The following SHANK2 variants were observed in gnomAD, a reference collection of about 807,000 sequenced individuals.
SHANK2 encodes SH3 and multiple ankyrin repeat domains protein 2.
A neutral mutation model predicts 133.7 loss-of-function variants in SHANK2; 43 were observed. That is an observed-to-expected ratio of 0.32 (90% confidence interval 0.25 to 0.41). The LOEUF (loss-of-function observed/expected upper bound fraction) is 0.41. Ranked by LOEUF, SHANK2 falls within the 10% of genes least tolerant of loss-of-function variation. The probability of loss-of-function intolerance (pLI) is 1.00; values close to 1 mark genes in which losing one functional copy is unlikely to be tolerated. For synonymous variants in SHANK2, 1,017 were observed against 952.8 expected (o/e 1.07, Z -1.24); for missense variants, 1,994 against 2,235.8 (o/e 0.89, Z 2.18).
chr11:70,675,768 T>G (rs1555017070), intron 15 of SHANK2, among the ~76,000 whole-genome samples: 1 of 152,178 alleles, frequency 6.6e-6, no homozygotes, highest in African/African-American at 2.4e-5. Context: ...TTGGAAATGG[T>G]GGACCAAATG....
At chr11:70,748,017 C>G (rs1268134996) in intron 14 of SHANK2, among the ~76,000 whole-genome samples, 1 of 152,084 alleles carries the variant, frequency 6.6e-6, no homozygotes, top group Non-Finnish European at 1.5e-5. Context: ...CTATATGGAA[C>G]AGTGGAGCTG....
intron 15 of SHANK2, among the ~76,000 whole-genome samples, chr11:70,695,257 G>A (rs1420207808): frequency 6.6e-6 from 1 of 151,872 alleles, no homozygotes; most frequent in African/African-American, 2.4e-5. Context: ...ACAACACAGT[G>A]AATGTCTTAA....
At chr11:70,947,606 T>C (rs190343325) in intron 10 of SHANK2, among the ~76,000 whole-genome samples, 3,195 of 152,254 alleles carry the variant, frequency 0.021, 39 homozygotes, top group Non-Finnish European at 0.034. Context: ...CCTCAGGTGA[T>C]CCTCCTGCCT....
chr11:70,700,403 T>C (rs1000193330), intron 14 of SHANK2, among the ~76,000 whole-genome samples: 1 of 152,156 alleles, frequency 6.6e-6, no homozygotes. Flanking sequence ...CTCCACTCCA[T>C]TGAATGCCAC....
intron 17 of SHANK2, among the ~76,000 whole-genome samples, chr11:70,531,623 G>A (rs2059472903): frequency 6.6e-6 from 1 of 152,230 alleles, no homozygotes; most frequent in Non-Finnish European, 1.5e-5. Flanking sequence ...CCCAGGCCTT[G>A]CTGTGTGGCC....
rs75003861 is a variant in SHANK2, at chr11:70,727,058, G to A, written c.1778-28295C>T. On this transcript the variant is annotated intron_variant, in intron 14 of 25. Transcript: ENST00000601538. ...CTTACAGAATCATGAGACAAATGAC[G>A]GTTGTTTTAAGCCACTAACTTTTGG... Among the ~76,000 whole-genome samples, 684 of 152,320 alleles carry A rather than the reference G, an allele frequency of 4.5e-3. 4 individuals are homozygous for A. Among genetic ancestry groups the A allele is most frequent in the African/African-American group, 0.015 (629 of 41,580 alleles).
intron 9 of SHANK2, among the ~76,000 whole-genome samples, chr11:71,066,616 G>A (rs1951067095): frequency 6.6e-6 from 1 of 152,206 alleles, no homozygotes; most frequent in African/African-American, 2.4e-5. Flanking sequence ...CACTGAGGCT[G>A]TCTTCACTTA....
At chr11:71,151,326 C>A (rs572490079) in intron 2 of SHANK2, among the ~76,000 whole-genome samples, 2 of 152,254 alleles carry the variant, frequency 1.3e-5, no homozygotes, top group South Asian at 4.1e-4. Context: ...TGACTCCCAG[C>A]GCTCTTCCGG....
rs538524542 is a variant in SHANK2, at chr11:70,625,746, A to G, written c.2061+34082T>C. On this transcript the variant is annotated intron_variant, in intron 17 of 25. Coordinates refer to ENST00000601538, the MANE Select transcript of SHANK2 (RefSeq NM_012309.5). ...CCGCTCCCCAAGTCCCCTGCCTCCC[A>G]GAGGTCCACAAGCCCAAGCTGGGGG... is the stretch of plus-strand genomic sequence containing the variant. 3.3e-4 allele frequency among the ~76,000 whole-genome samples: 45 copies of G among 137,424 alleles called. No individual in the cohort carries two copies. The East Asian group carries it at 0.011, about 33-fold the overall frequency. 90.2% of individuals were successfully genotyped at this position (137,424 alleles called of 152,430 possible). A position where few individuals can be genotyped will look rare whatever the true frequency, so the allele number is the denominator to read the frequency against.
chr11:71,093,320 C>T (rs1306195237), intron 7 of SHANK2, among the ~76,000 whole-genome samples: 3 of 152,122 alleles, frequency 2.0e-5, no homozygotes, highest in Non-Finnish European at 4.4e-5. Context: ...CTGAGGGTGG[C>T]GAACCTAGCA....
At position 71,174,192 on chromosome 11, in the gene SHANK2, A is replaced by C. The variant is rs142715131; in HGVS notation, c.-12-26854T>G. Among the ~76,000 whole-genome samples, 85 of 152,352 alleles carry C rather than the reference A, an allele frequency of 5.6e-4. No individual in the cohort carries two copies. In the East Asian group the frequency reaches 0.015, roughly 26 times the overall value. On this transcript the variant is annotated intron_variant, in intron 2 of 25. Coordinates refer to ENST00000601538, the MANE Select transcript of SHANK2 (RefSeq NM_012309.5). ...AATCATGGTAGTCATTGCCATTAAC[A>C]AAGGTGCTTAGAAGCCACTGATTTA...
chr11:70,505,202 G>A (rs1206695107), intron 17 of SHANK2, among the ~76,000 whole-genome samples: 2 of 152,180 alleles, frequency 1.3e-5, no homozygotes, highest in East Asian at 1.9e-4. Context: ...GCAAGGAAGC[G>A]GTAGGCAGGG....
chr11:71,126,302 G>A (rs1952185758), intron 3 of SHANK2, among the ~76,000 whole-genome samples: 1 of 149,758 alleles, frequency 6.7e-6, no homozygotes, highest in Admixed American at 6.7e-5. Context: ...CTGGATGACA[G>A]CACATCTGTT....
rs377120070 is a variant in SHANK2 at position 70,487,216 on chromosome 11, G to T, written c.3077C>A (p.Thr1026Lys). Residue 1026 changes from threonine to lysine, a missense_variant, in exon 25 of 26, where the codon ACG (threonine) becomes AAG (lysine). Transcript: ENST00000601538. The surrounding 1 kb of genome is among the most constrained non-coding windows in gnomAD (Gnocchi z 5.8). ...GATGGTCGGGATAGGGATGGAGCAC[G>T]TCTTCTCGGGGCTGTCCTCCACGTT... ...QSNVEDSPEK[T>K]CSIPIPTIIV... The T allele has an allele frequency of 3.1e-6, 5 of 1,614,076 alleles. No individual in the cohort carries two copies. The highest frequency in any genetic ancestry group is 2.5e-6 in the Non-Finnish European group (3 of 1,180,046).
At chr11:70,513,894 A>G (rs1554969618) in intron 17 of SHANK2, among the ~76,000 whole-genome samples, 1 of 152,178 alleles carries the variant, frequency 6.6e-6, no homozygotes, top group African/African-American at 2.4e-5. Flanking sequence ...AACGTGAACG[A>G]GAGTCTCAGA....
chr11:71,226,399 C>A (rs1453433266), intron 1 of SHANK2, among the ~76,000 whole-genome samples: 3 of 152,140 alleles, frequency 2.0e-5, no homozygotes, highest in African/African-American at 4.8e-5. Context: ...TGAAAAAGTA[C>A]TCAAAATGTC....
chr11:70,473,581 G>A lies in SHANK2; in HGVS notation c.4980-142C>T. The A allele has an allele frequency of 3.9e-6, 3 of 774,988 alleles. No homozygotes were observed. The highest frequency in any genetic ancestry group is 4.4e-6 in the Non-Finnish European group (2 of 458,434). The allele number at this position is 774,988 out of a possible 1,614,324, so 48.0% of individuals were successfully genotyped here. A position where few individuals can be genotyped will look rare whatever the true frequency, so the allele number is the denominator to read the frequency against. ...GCAGATCCACTGGCAGTGAACGAAT[G>A]ATTTGCCATGCCAGGGTGGGGGAGG... On this transcript the variant is annotated intron_variant, in intron 25 of 25. Transcript: ENST00000601538. This position sits in a 1 kb window ranked among gnomAD's most constrained non-coding sequence, Gnocchi z 5.9.
chr11:70,851,284 C>A (rs527748370), intron 11 of SHANK2, among the ~76,000 whole-genome samples: 84 of 152,346 alleles, frequency 5.5e-4, no homozygotes, highest in African/African-American at 1.7e-3. Flanking sequence ...ACTTCCTGTT[C>A]TCCTGTCTTC....
At chr11:70,523,817 T>C (rs1368622400) in intron 17 of SHANK2, among the ~76,000 whole-genome samples, 4 of 152,122 alleles carry the variant, frequency 2.6e-5, no homozygotes, top group African/African-American at 9.7e-5. Context: ...AAGAGCATCA[T>C]ATGGAGGCAG....
Sources: allele counts gnomAD v4.1 joint callset (sites outside exome capture counted in the v4.1 genomes callset), GRCh38; gene constraint gnomAD v4.1.1; non-coding constraint Gnocchi (gnomAD v3.1); transcripts MANE v1.5; gene names NCBI Gene and HGNC (gene_info 2026-07-23, HGNC 2026-07-21).